The following RYR2 variants were observed in gnomAD, a reference collection of about 807,000 sequenced individuals.
RYR2 encodes ryanodine receptor 2.
Under a neutral mutation model 601.1 loss-of-function variants are expected in RYR2, and 227 were observed. The ratio of observed to expected loss-of-function variants is 0.38; its 90% confidence interval spans 0.34 to 0.42. RYR2 has a LOEUF of 0.42. Among genes scored for constraint, RYR2 ranks in the 10% least tolerant of loss-of-function variants. The pLI is 1.00. For synonymous variants in RYR2, 2,223 were observed against 2,175.1 expected (o/e 1.02, Z -0.61); for missense variants, 4,646 against 6,156.5 (o/e 0.75, Z 8.21).
chr1:237,371,584 A>T lies in RYR2; in HGVS notation c.384+1976A>T, dbSNP rs1409065788. ...TACAATATCTGTAATAATATACTTGATCATTCCTTTTAAAAAGTAGATGAT... is the reference window on the plus strand; with the variant it reads ...TACAATATCTGTAATAATATACTTGTTCATTCCTTTTAAAAAGTAGATGAT... On this transcript the variant is annotated intron_variant, in intron 6 of 104. Coordinates refer to ENST00000366574, the MANE Select transcript of RYR2 (RefSeq NM_001035.3). Among the ~76,000 whole-genome samples, 9 of 152,354 alleles carry T rather than the reference A, an allele frequency of 5.9e-5. No individual in the cohort carries two copies. The East Asian group carries it at 1.7e-3, about 29-fold the overall frequency.
intron 1 of RYR2, among the ~76,000 whole-genome samples, chr1:237,086,231 C>T (rs1666315852): frequency 6.6e-6 from 1 of 152,194 alleles, no homozygotes; most frequent in African/African-American, 2.4e-5. Context: ...TCTTCTAAAG[C>T]CTCTCCCCTT....
At chr1:237,523,685 C>T (rs1452968254) in intron 24 of RYR2, among the ~76,000 whole-genome samples, 2 of 151,450 alleles carry the variant, frequency 1.3e-5, no homozygotes, top group African/African-American at 4.9e-5. Flanking sequence ...TGCCGTGAGC[C>T]GAGATTATGC....
In RYR2 at chr1:237,246,616, T is replaced by C. The variant is rs570778332; in HGVS notation, c.49-23881T>C. ...TGCACCTGGCTTTGTGTTATTCTTT[T>C]TTAGAGAGGTATATTCTTCACTTTG... On this transcript the variant is annotated intron_variant, in intron 1 of 104. Coordinates refer to ENST00000366574, the MANE Select transcript of RYR2 (RefSeq NM_001035.3). 3.0e-4 allele frequency among the ~76,000 whole-genome samples: 46 copies of C among 152,310 alleles called. No homozygotes were observed. In the South Asian group the frequency reaches 9.3e-3, roughly 31 times the overall value.
intron 89 of RYR2, among the ~76,000 whole-genome samples, chr1:237,782,100 G>A (rs1228941453): frequency 6.6e-6 from 1 of 151,442 alleles, no homozygotes; most frequent in Non-Finnish European, 1.5e-5. Flanking sequence ...GCAGCTGGCA[G>A]TGGTAGTCTT....
chr1:237,279,822 T>C (rs1036959431), intron 2 of RYR2, among the ~76,000 whole-genome samples: 4 of 152,240 alleles, frequency 2.6e-5, no homozygotes, highest in Admixed American at 2.0e-4. Context: ...CATAGTTTTC[T>C]GGTATTCATC....
chr1:237,403,422 T>G (rs1405250221), intron 10 of RYR2, among the ~76,000 whole-genome samples: 1 of 152,160 alleles, frequency 6.6e-6, no homozygotes, highest in African/African-American at 2.4e-5. Context: ...GGTAACACAG[T>G]GATACTTTAT....
At chr1:237,642,859 C>T (rs1159761695) in intron 47 of RYR2, among the ~76,000 whole-genome samples, 1 of 152,134 alleles carries the variant, frequency 6.6e-6, no homozygotes, top group Non-Finnish European at 1.5e-5. Context: ...GGGTCGAAGA[C>T]AGATGGATAT....
At chr1:237,669,483 G>T (rs577931406) in intron 58 of RYR2, among the ~76,000 whole-genome samples, 5 of 147,148 alleles carry the variant, frequency 3.4e-5, no homozygotes, top group Non-Finnish European at 6.1e-5. Context: ...CCTCCCGGAC[G>T]GGGCGGCTGG....
intron 97 of RYR2, among the ~76,000 whole-genome samples, chr1:237,801,540 T>C (rs1243692592): frequency 1.6e-5 from 1 of 62,132 alleles, no homozygotes; most frequent in Admixed American, 1.5e-4. Context: ...CAACTCTGTC[T>C]CAAAAAAAAA....
chr1:237,656,134 T>G (rs1021195099), intron 53 of RYR2, 150 bp downstream of exon 53: 1 of 588,982 alleles, frequency 1.7e-6, no homozygotes, highest in Non-Finnish European at 2.9e-6. Flanking sequence ...TATAAAACGA[T>G]AGTAATAATA....
intron 100 of RYR2, among the ~76,000 whole-genome samples, chr1:237,810,971 G>A (rs1661192538): frequency 6.6e-6 from 1 of 152,124 alleles, no homozygotes; most frequent in Admixed American, 6.5e-5. Context: ...AGGACACTGT[G>A]AACAAGGATT....
chr1:237,223,597 C>A (rs1034343729), intron 1 of RYR2, among the ~76,000 whole-genome samples: 8 of 152,002 alleles, frequency 5.3e-5, no homozygotes, highest in Admixed American at 2.0e-4. Context: ...ACAAAATTTT[C>A]TTTCTTCTTC....
At chr1:237,274,272 T>G (rs1248862612) in intron 2 of RYR2, among the ~76,000 whole-genome samples, 1 of 151,512 alleles carries the variant, frequency 6.6e-6, no homozygotes, top group East Asian at 1.9e-4. Context: ...ACATACCACA[T>G]ATATGACAGT....
At chr1:237,791,903 A>G in intron 93 of RYR2, 1 of 592,790 alleles carries the variant, frequency 1.7e-6, no homozygotes, top group Non-Finnish European at 3.0e-6. Context: ...TTGGTTGAAT[A>G]AGAATGAATT....
intron 34 of RYR2, among the ~76,000 whole-genome samples, chr1:237,599,377 T>G (rs1676242158): frequency 1.3e-5 from 2 of 152,150 alleles, no homozygotes. Context: ...AAAATACCTT[T>G]AAAAGTTTAC....
At chr1:237,437,089 G>T (rs1481739410) in intron 12 of RYR2, among the ~76,000 whole-genome samples, 1 of 151,104 alleles carries the variant, frequency 6.6e-6, no homozygotes, top group Non-Finnish European at 1.5e-5. Context: ...CTGTTGCCCA[G>T]GCTGGAGTGC....
At chr1:237,486,170 A>G (rs1031348985) in intron 17 of RYR2, among the ~76,000 whole-genome samples, 1 of 152,224 alleles carries the variant, frequency 6.6e-6, no homozygotes, top group Non-Finnish European at 1.5e-5. Context: ...AATTTTACAT[A>G]TATACGTACA....
chr1:237,125,173 C>A (rs958628223), intron 1 of RYR2, among the ~76,000 whole-genome samples: 5 of 152,064 alleles, frequency 3.3e-5, no homozygotes, highest in African/African-American at 1.2e-4. Flanking sequence ...CTGTAAGATA[C>A]GAAACTGGTG....
chr1:237,293,284 T>G (rs1572501322), intron 2 of RYR2, among the ~76,000 whole-genome samples: 2 of 152,102 alleles, frequency 1.3e-5, no homozygotes, highest in African/African-American at 4.8e-5. Flanking sequence ...TCAGCTCACT[T>G]CAACCTCTGC....
Sources: allele counts gnomAD v4.1 joint callset (sites outside exome capture counted in the v4.1 genomes callset), GRCh38; gene constraint gnomAD v4.1.1; transcripts MANE v1.5; gene names NCBI Gene and HGNC (gene_info 2026-07-23, HGNC 2026-07-21).